SHTN1: variants seen among roughly 807,000 people sequenced by gnomAD.
SHTN1 encodes shootin 1, also known as shootin-1.
SHTN1 carries 42 observed loss-of-function variants against 83.1 expected under a neutral mutation model. The observed-to-expected ratio is 0.51, with a 90% CI of 0.39 to 0.65. The LOEUF is 0.65. Ranked by LOEUF, SHTN1 falls within the 30% of genes least tolerant of loss-of-function variation. The pLI is 0.00. For missense variants in SHTN1, 622 were observed against 737.8 expected, an observed-to-expected ratio of 0.84 and a Z score of 1.82; for synonymous variants, 224 against 247.7, an observed-to-expected ratio of 0.90 and a Z score of 0.90.
intron 1 of SHTN1, among the ~76,000 whole-genome samples, chr10:117,104,823 G>T (rs1172500076): frequency 6.6e-6 from 1 of 151,316 alleles, no homozygotes; most frequent in Non-Finnish European, 1.5e-5. Context: ...TATTTGTCAT[G>T]AATATCTTCC....
chr10:117,034,187 AATTAG>A (rs1485571663), intron 2 of SHTN1, among the ~76,000 whole-genome samples: 2 of 152,214 alleles, frequency 1.3e-5, no homozygotes. Flanking sequence ...TAGCTACAGC[AATTAG>A]ATTAGAGAAA....
intron 2 of SHTN1, among the ~76,000 whole-genome samples, chr10:117,027,145 C>T (rs879546454): frequency 6.6e-6 from 1 of 152,138 alleles, no homozygotes; most frequent in Non-Finnish European, 1.5e-5. Context: ...TAGTTTGGAT[C>T]TGAATCCCCA....
intron 1 of SHTN1, among the ~76,000 whole-genome samples, chr10:117,057,951 T>C (rs1434337599): frequency 6.6e-6 from 1 of 152,154 alleles, no homozygotes; most frequent in Non-Finnish European, 1.5e-5. Flanking sequence ...TTTCAATAAA[T>C]GATCCTAAGA....
chr10:116,933,278 C>T (rs951735969), intron 9 of SHTN1, among the ~76,000 whole-genome samples: 3 of 152,082 alleles, frequency 2.0e-5, no homozygotes, highest in African/African-American at 7.2e-5. Context: ...ATCAACCTGT[C>T]ATCTACATTA....
intron 1 of SHTN1, among the ~76,000 whole-genome samples, chr10:117,114,882 A>T (rs1025799927): frequency 6.6e-6 from 1 of 152,128 alleles, no homozygotes; most frequent in African/African-American, 2.4e-5. Flanking sequence ...CTGCTCTCAT[A>T]TGGGGCATCA....
intron 2 of SHTN1, among the ~76,000 whole-genome samples, chr10:117,038,382 C>T (rs1306637864): frequency 6.6e-6 from 1 of 151,656 alleles, no homozygotes; most frequent in African/African-American, 2.4e-5. Flanking sequence ...TCAAGAGATC[C>T]TCCTGCCTCG....
intron 1 of SHTN1, among the ~76,000 whole-genome samples, chr10:117,069,617 CTAT>C (rs763487611): frequency 6.6e-6 from 1 of 152,124 alleles, no homozygotes; most frequent in Non-Finnish European, 1.5e-5. Flanking sequence ...TGTTACATTA[CTAT>C]TATTAAGTAA....
chr10:116,916,029 G>A lies in SHTN1; in HGVS notation c.1196-545C>T, dbSNP rs144359523. Among the ~76,000 whole-genome samples the A allele has an allele frequency of 4.6e-5, 7 of 152,172 alleles. No individual in the cohort carries two copies. The East Asian group carries it at 9.6e-4, about 21-fold the overall frequency. The stretch of plus-strand genomic sequence containing the variant: ...AACTGCCATCTTTTGTTTATGAATC[G>A]CATGGAAAGGAAACATTTAAGCAAA... On this transcript the variant is annotated intron_variant, in intron 12 of 16. Coordinates refer to ENST00000355371, the MANE Select transcript of SHTN1 (RefSeq NM_001127211.3).
At chr10:117,046,369 GACA>G (rs1852664368) in intron 2 of SHTN1, among the ~76,000 whole-genome samples, 2 of 152,206 alleles carry the variant, frequency 1.3e-5, no homozygotes, top group South Asian at 2.1e-4. Context: ...TAAAAAAACA[GACA>G]ACAAGAGTTG....
chr10:116,922,373 T>C (rs757110003), intron 11 of SHTN1, among the ~76,000 whole-genome samples: 36 of 151,818 alleles, frequency 2.4e-4, no homozygotes, highest in Non-Finnish European at 3.8e-4. Flanking sequence ...TATAAATTAA[T>C]AGTACATTTC....
At chr10:117,097,974 T>C (rs1234345196) in intron 1 of SHTN1, among the ~76,000 whole-genome samples, 2 of 151,970 alleles carry the variant, frequency 1.3e-5, no homozygotes, top group Non-Finnish European at 2.9e-5. Context: ...TGGCAAATGC[T>C]TCACGTGAAG....
At chr10:117,041,668 G>A (rs563249519) in intron 2 of SHTN1, among the ~76,000 whole-genome samples, 2 of 152,228 alleles carry the variant, frequency 1.3e-5, no homozygotes, top group East Asian at 1.9e-4. Flanking sequence ...GTAACTTTCC[G>A]AAGCACTTGT....
At chr10:116,983,254 A>G (rs958671551) in intron 1 of SHTN1, among the ~76,000 whole-genome samples, 27 of 152,176 alleles carry the variant, frequency 1.8e-4, no homozygotes, top group African/African-American at 4.8e-4. Flanking sequence ...AGAGTAAATG[A>G]GTTAACATAT....
At chr10:116,939,598 T>C (rs1335510316) in intron 9 of SHTN1, among the ~76,000 whole-genome samples, 1 of 152,210 alleles carries the variant, frequency 6.6e-6, no homozygotes, top group Non-Finnish European at 1.5e-5. Context: ...GAGCTGTTCG[T>C]ATTCGGCCAT....
chr10:117,075,069 A>G (rs1853133118), intron 1 of SHTN1, among the ~76,000 whole-genome samples: 1 of 152,214 alleles, frequency 6.6e-6, no homozygotes, highest in Non-Finnish European at 1.5e-5. Context: ...TTTACACATT[A>G]TAAATTATTA....
In SHTN1 at chr10:116,920,487, C is replaced by G. The variant is rs138380948; in HGVS notation, c.1195+947G>C. On this transcript the variant is annotated intron_variant, in intron 12 of 16. Transcript: ENST00000355371. ...AGTTCCTGAATTCATGCATGTCTCT[C>G]TACCCCTGCTGCTACTACCCTCATG... is the stretch of plus-strand genomic sequence containing the variant. 5.2e-3 allele frequency among the ~76,000 whole-genome samples: 796 copies of G among 152,296 alleles called. 11 individuals carry two copies. The highest frequency in any genetic ancestry group is 0.018 in the African/African-American group (758 of 41,560).
chr10:116,979,703 C>A (rs1316658469), intron 1 of SHTN1, among the ~76,000 whole-genome samples: 1 of 152,220 alleles, frequency 6.6e-6, no homozygotes, highest in African/African-American at 2.4e-5. Flanking sequence ...AGATGACAAG[C>A]AATTTCTCCT....
At chr10:117,030,356 A>G (rs1389054344) in intron 2 of SHTN1, among the ~76,000 whole-genome samples, 1 of 152,158 alleles carries the variant, frequency 6.6e-6, no homozygotes, top group African/African-American at 2.4e-5. Context: ...GTCCTTTTGA[A>G]TATCTGGAAA....
At chr10:117,063,966 T>TA (rs962533408) in intron 1 of SHTN1, among the ~76,000 whole-genome samples, 16 of 152,016 alleles carry the variant, frequency 1.1e-4, no homozygotes, top group Admixed American at 6.6e-4. Flanking sequence ...TTCCCTAAAA[T>TA]AAAAAAAGTA....
Sources: allele counts gnomAD v4.1 joint callset (sites outside exome capture counted in the v4.1 genomes callset), GRCh38; gene constraint gnomAD v4.1.1; transcripts MANE v1.5; gene names NCBI Gene and HGNC (gene_info 2026-07-23, HGNC 2026-07-21).